FRMD3: variants seen among roughly 807,000 people sequenced by gnomAD.
The protein encoded by FRMD3 is FERM domain containing 3, also known as FERM domain-containing protein 3.
A neutral mutation model predicts 70.2 loss-of-function variants in FRMD3; 33 were observed. The observed-to-expected ratio is 0.47, with a 90% CI of 0.36 to 0.63. FRMD3 has a LOEUF of 0.63. Ranked by LOEUF, FRMD3 falls within the 20% of genes least tolerant of loss-of-function variation. The probability of loss-of-function intolerance (pLI) is 0.00; values close to 1 mark genes in which losing one functional copy is unlikely to be tolerated. For synonymous variants in FRMD3, 279 were observed against 255.9 expected (o/e 1.09, Z -0.86); for missense variants, 632 against 711.4 (o/e 0.89, Z 1.27).
chr9:83,391,257 G>A (rs928930525), intron 1 of FRMD3, among the ~76,000 whole-genome samples: 1 of 152,192 alleles, frequency 6.6e-6, no homozygotes, highest in African/African-American at 2.4e-5. Context: ...TTAAATGTCT[G>A]TAATTGTTTT....
chr9:83,465,490 C>G (rs1214032039), intron 1 of FRMD3, among the ~76,000 whole-genome samples: 2 of 152,198 alleles, frequency 1.3e-5, no homozygotes, highest in Non-Finnish European at 2.9e-5. Flanking sequence ...TCTTCCTTCT[C>G]CAGCACAGAT....
At chr9:83,545,306 G>A in the FRMD3 span, among the ~76,000 whole-genome samples, 1 of 151,426 alleles carries the variant, frequency 6.6e-6, no homozygotes, top group Non-Finnish European at 1.5e-5. Flanking sequence ...ACAGGTCTTT[G>A]GAAGTAACCC....
At chr9:83,487,057 G>T (rs1037398510) in intron 1 of FRMD3, among the ~76,000 whole-genome samples, 1 of 152,154 alleles carries the variant, frequency 6.6e-6, no homozygotes, top group African/African-American at 2.4e-5. Flanking sequence ...TGCTTGTATG[G>T]CAAATAGCAT....
chr9:83,271,931 G>A (rs1000427071), intron 13 of FRMD3, among the ~76,000 whole-genome samples: 1 of 152,192 alleles, frequency 6.6e-6, no homozygotes, highest in Non-Finnish European at 1.5e-5. Flanking sequence ...GTATTTTCCT[G>A]ACTCTCCAAC....
chr9:83,266,948 G>T (rs1833285823), intron 13 of FRMD3: 2 of 1,494,684 alleles, frequency 1.3e-6, no homozygotes, highest in South Asian at 1.2e-5. Context: ...CACCAGCAGT[G>T]AGCAGGAAGC....
At chr9:83,272,948 C>T (rs1333039436) in intron 13 of FRMD3, among the ~76,000 whole-genome samples, 4 of 150,504 alleles carry the variant, frequency 2.7e-5, no homozygotes, top group Admixed American at 1.3e-4. Flanking sequence ...GCCCGGCAGC[C>T]GCCCCGTCTG....
At chr9:83,506,016 T>C (rs938931246) in intron 1 of FRMD3, among the ~76,000 whole-genome samples, 4 of 152,126 alleles carry the variant, frequency 2.6e-5, no homozygotes, top group African/African-American at 9.7e-5. Context: ...CAACGCCCCA[T>C]GAACACCCAC....
At position 83,264,937 on chromosome 9, in the gene FRMD3, G is replaced by A. The variant is rs559415541; in HGVS notation, c.1196-16421C>T. ...TTGCCAATTTTGAAGGTCATAAGCAGTTATTATCAGCAATTTCATAGAGTT... is the reference window on the plus strand; with the variant it reads ...TTGCCAATTTTGAAGGTCATAAGCAATTATTATCAGCAATTTCATAGAGTT... On this transcript the variant is annotated intron_variant, in intron 13 of 13. Transcript: ENST00000304195. Among the ~76,000 whole-genome samples the A allele has an allele frequency of 1.2e-4, 18 of 152,092 alleles. No homozygotes were observed. The South Asian group carries it at 1.2e-3, about 11-fold the overall frequency.
At chr9:83,482,512 T>C (rs578219869) in intron 1 of FRMD3, among the ~76,000 whole-genome samples, 6 of 152,294 alleles carry the variant, frequency 3.9e-5, no homozygotes, top group African/African-American at 1.4e-4. Context: ...TAAATTCTGC[T>C]AGGTTTAGGG....
chr9:83,305,481 T>C (rs111322766), intron 10 of FRMD3, among the ~76,000 whole-genome samples: 56 of 152,306 alleles, frequency 3.7e-4, no homozygotes, highest in African/African-American at 1.3e-3. Flanking sequence ...CTGCTATAAA[T>C]GACAGAGTCA....
chr9:83,468,458 G>C (rs1828187541), intron 1 of FRMD3, among the ~76,000 whole-genome samples: 1 of 152,198 alleles, frequency 6.6e-6, no homozygotes, highest in African/African-American at 2.4e-5. Flanking sequence ...GGAAGCACAT[G>C]AGAGCAGTAC....
the FRMD3 span, among the ~76,000 whole-genome samples, chr9:83,543,547 A>G: frequency 6.6e-6 from 1 of 152,084 alleles, no homozygotes; most frequent in African/African-American, 2.4e-5. Context: ...CTGCCCAGGG[A>G]ATCTCAGTTC....
chr9:83,446,985 G>A (rs1263148244), intron 1 of FRMD3, among the ~76,000 whole-genome samples: 2 of 144,588 alleles, frequency 1.4e-5, no homozygotes, highest in Non-Finnish European at 3.0e-5. Context: ...CAGCAGATCA[G>A]GGTTTTTGTT....
chr9:83,382,979 T>C (rs958408695), intron 2 of FRMD3, among the ~76,000 whole-genome samples: 1 of 152,222 alleles, frequency 6.6e-6, no homozygotes, highest in Admixed American at 6.5e-5. Context: ...TTCTCTTTCC[T>C]GTACAACTTA....
intron 1 of FRMD3, among the ~76,000 whole-genome samples, chr9:83,511,539 A>AC (rs1265294196): frequency 6.6e-6 from 1 of 152,230 alleles, no homozygotes; most frequent in Non-Finnish European, 1.5e-5. Flanking sequence ...ACTCACAAGC[A>AC]CCAAGGTGCC....
intron 3 of FRMD3, among the ~76,000 whole-genome samples, chr9:83,351,687 TGATAGATAGATA>T (rs10641248): frequency 1.6e-4 from 24 of 145,594 alleles, no homozygotes; most frequent in East Asian, 8.2e-4. Context: ...GATAGTTACA[TGATAGATAGATA>T]GATAGATAGA....
intron 3 of FRMD3, among the ~76,000 whole-genome samples, chr9:83,366,503 G>A (rs1193241771): frequency 6.6e-6 from 1 of 152,122 alleles, no homozygotes; most frequent in Non-Finnish European, 1.5e-5. Flanking sequence ...AACCCAGGAG[G>A]CGGAGGTTGC....
At chr9:83,482,521 G>T (rs1171515617) in intron 1 of FRMD3, among the ~76,000 whole-genome samples, 1 of 152,160 alleles carries the variant, frequency 6.6e-6, no homozygotes, top group Non-Finnish European at 1.5e-5. Flanking sequence ...CTAGGTTTAG[G>T]GGATGGAGAC....
intron 1 of FRMD3, among the ~76,000 whole-genome samples, chr9:83,522,754 G>A (rs923795880): frequency 2.6e-5 from 4 of 151,782 alleles, no homozygotes; most frequent in Non-Finnish European, 5.9e-5. Context: ...TAGTAGAGAC[G>A]GGGTTTCACG....
Sources: gnomAD v4.1 joint callset for allele counts (sites outside exome capture counted in the v4.1 genomes callset) on GRCh38, gnomAD v4.1.1 for gene constraint, MANE v1.5 for transcripts, NCBI Gene and HGNC (gene_info 2026-07-23, HGNC 2026-07-21) for gene names.